The following MTHFD2L variants were observed in gnomAD, a reference collection of about 807,000 sequenced individuals.
The protein encoded by MTHFD2L is bifunctional methylenetetrahydrofolate dehydrogenase/cyclohydrolase 2, mitochondrial.
A neutral mutation model predicts 34.9 loss-of-function variants in MTHFD2L; 29 were observed. The observed-to-expected ratio is 0.83, with a 90% confidence interval of 0.62 to 1.13. MTHFD2L has a LOEUF of 1.13. MTHFD2L is among the 50% of genes most tolerant of loss of function. MTHFD2L has a pLI of 0.00. For missense variants in MTHFD2L, 481 were observed against 446.5 expected (o/e 1.08, Z -0.70); for synonymous variants, 167 against 155.7 (o/e 1.07, Z -0.54).
intron 1 of MTHFD2L, among the ~76,000 whole-genome samples, chr4:74,152,801 A>T (rs1054568472): frequency 2.6e-5 from 4 of 152,096 alleles, no homozygotes; most frequent in African/African-American, 9.7e-5. Context: ...TGAAGTACAA[A>T]CTTCTTTAAG....
At chr4:74,196,483 C>T (rs900959685) in intron 3 of MTHFD2L, among the ~76,000 whole-genome samples, 6 of 152,218 alleles carry the variant, frequency 3.9e-5, no homozygotes, top group Admixed American at 6.5e-5. Flanking sequence ...GTTTACTATA[C>T]GGATGAGCTT....
At chr4:74,224,532 T>C (rs1738833467) in intron 5 of MTHFD2L, among the ~76,000 whole-genome samples, 1 of 152,164 alleles carries the variant, frequency 6.6e-6, no homozygotes, top group Non-Finnish European at 1.5e-5. Context: ...GTCTTAGCCG[T>C]ATTCTTACCA....
upstream of MTHFD2L, among the ~76,000 whole-genome samples, chr4:74,123,899 T>G (rs1236997708): frequency 6.6e-6 from 1 of 152,188 alleles, no homozygotes; most frequent in African/African-American, 2.4e-5. Flanking sequence ...TGCATTAAAT[T>G]TGGAATTATT....
chr4:74,246,105 G>T (rs1296988035), intron 6 of MTHFD2L, among the ~76,000 whole-genome samples: 2 of 140,232 alleles, frequency 1.4e-5, no homozygotes, highest in Non-Finnish European at 3.1e-5. Flanking sequence ...CAGTGTAAAA[G>T]TGTTCCTATT....
chr4:74,266,979 T>G lies in MTHFD2L; in HGVS notation c.806-14446T>G, dbSNP rs77373229. On this transcript the variant is annotated intron_variant, in intron 6 of 7. Coordinates refer to ENST00000325278, the MANE Select transcript of MTHFD2L (RefSeq NM_001144978.3). Reference sequence around the variant, plus strand: ...GAAAGAAATTGGACTAATTGGTTTTTCAAGTTGAGCTCTGGGGAACCTAAA... The same window carrying G: ...GAAAGAAATTGGACTAATTGGTTTTGCAAGTTGAGCTCTGGGGAACCTAAA... 35 of 985,460 alleles carry G rather than the reference T, an allele frequency of 3.6e-5. No homozygotes were observed. The East Asian group carries it at 3.9e-3, about 109-fold the overall frequency. 61.0% of individuals were successfully genotyped at this position (985,460 alleles called of 1,614,324 possible). A position where few individuals can be genotyped will look rare whatever the true frequency, so the allele number is the denominator to read the frequency against.
rs541291686 is a variant in MTHFD2L, at chr4:74,296,334, T to C, written c.932-5363T>C. On this transcript the variant is annotated intron_variant, in intron 7 of 7. Coordinates refer to ENST00000325278, the MANE Select transcript of MTHFD2L (RefSeq NM_001144978.3). ...CTGGCAGCAAATTATATGGCTGACA[T>C]GGTGGACTGGGAGCCAAGAGGCTAC... Among the ~76,000 whole-genome samples, 132 of 152,202 alleles carry C rather than the reference T, an allele frequency of 8.7e-4. 2 individuals are homozygous for C. Among genetic ancestry groups the C allele is most frequent in the Non-Finnish European group, 1.5e-3 (101 of 68,006 alleles).
intron 5 of MTHFD2L, among the ~76,000 whole-genome samples, chr4:74,206,987 A>G (rs1440724912): frequency 6.6e-6 from 1 of 152,086 alleles, no homozygotes; most frequent in Non-Finnish European, 1.5e-5. Flanking sequence ...TGCAGCCTCA[A>G]CTTCCTGGAC....
intron 5 of MTHFD2L, among the ~76,000 whole-genome samples, chr4:74,211,531 A>C (rs1736320284): frequency 1.3e-5 from 2 of 152,210 alleles, no homozygotes; most frequent in South Asian, 4.1e-4. Context: ...CCAGGGAGGA[A>C]GCCAACTTGA....
At chr4:74,235,828 T>TACC (rs1450461391) in intron 6 of MTHFD2L, among the ~76,000 whole-genome samples, 3 of 152,182 alleles carry the variant, frequency 2.0e-5, no homozygotes, top group Non-Finnish European at 4.4e-5. Context: ...TGTTGTTTCA[T>TACC]ACCTGTTGTT....
chr4:74,144,433 A>G (rs960033610), intron 1 of MTHFD2L, among the ~76,000 whole-genome samples: 1 of 152,182 alleles, frequency 6.6e-6, no homozygotes, highest in Non-Finnish European at 1.5e-5. Context: ...AGCCTGAATG[A>G]CAAGGTGAGA....
upstream of MTHFD2L, chr4:74,157,985 C>A: frequency 8.4e-7 from 1 of 1,197,112 alleles, no homozygotes; most frequent in Non-Finnish European, 1.2e-6. Context: ...CTGGGAACCG[C>A]TCTTTACCCC....
At chr4:74,138,883 G>T (rs926509802) in intron 1 of MTHFD2L, among the ~76,000 whole-genome samples, 2 of 152,146 alleles carry the variant, frequency 1.3e-5, no homozygotes, top group Non-Finnish European at 2.9e-5. Context: ...GCTCTCAGGC[G>T]ATATAGATTT....
chr4:74,257,059 C>A (rs530281024), intron 6 of MTHFD2L, among the ~76,000 whole-genome samples: 2 of 152,034 alleles, frequency 1.3e-5, no homozygotes, highest in Admixed American at 6.6e-5. Context: ...GCAGTATGGC[C>A]CTTTTAATGA....
At chr4:74,248,476 T>C (rs1379961220) in intron 6 of MTHFD2L, among the ~76,000 whole-genome samples, 1 of 151,186 alleles carries the variant, frequency 6.6e-6, no homozygotes, top group African/African-American at 2.4e-5. Context: ...GTGTCTCTAT[T>C]TCCTTCAGTT....
At chr4:74,269,615 A>G (rs575161105) in intron 6 of MTHFD2L, among the ~76,000 whole-genome samples, 12 of 152,174 alleles carry the variant, frequency 7.9e-5, no homozygotes, top group South Asian at 2.1e-4. Context: ...TTCATTACCT[A>G]TGTACTTCAG....
At chr4:74,131,860 C>A (rs1003213997) in intron 1 of MTHFD2L, among the ~76,000 whole-genome samples, 5 of 152,132 alleles carry the variant, frequency 3.3e-5, no homozygotes, top group Admixed American at 6.5e-5. Flanking sequence ...TATCCAGGAT[C>A]TACAAAGAAC....
At chr4:74,267,247 G>T (rs1049097755) in intron 6 of MTHFD2L, 1 of 984,886 alleles carries the variant, frequency 1.0e-6, no homozygotes, top group African/African-American at 1.7e-5. Flanking sequence ...AAGTGCATTG[G>T]TGTCTGTTTG....
At chr4:74,132,711 C>T (rs1480150134) in intron 1 of MTHFD2L, among the ~76,000 whole-genome samples, 1 of 152,116 alleles carries the variant, frequency 6.6e-6, no homozygotes, top group African/African-American at 2.4e-5. Context: ...ACATTCTGCA[C>T]ATGTATCTCA....
chr4:74,255,261 A>G (rs1178103770), intron 6 of MTHFD2L, among the ~76,000 whole-genome samples: 2 of 152,068 alleles, frequency 1.3e-5, no homozygotes, highest in South Asian at 2.1e-4. Flanking sequence ...GGTTTTGTAT[A>G]TAGCTAAAGT....
Sources: gnomAD v4.1 joint callset for allele counts (sites outside exome capture counted in the v4.1 genomes callset) on GRCh38, gnomAD v4.1.1 for gene constraint, MANE v1.5 for transcripts, NCBI Gene and HGNC (gene_info 2026-07-23, HGNC 2026-07-21) for gene names.